The following NEO1 variants were observed in gnomAD, a reference collection of about 807,000 sequenced individuals.
NEO1 encodes neogenin.
In NEO1, 63 loss-of-function variants were observed where a neutral mutation model predicts 159.7. The ratio of observed to expected loss-of-function variants is 0.39; its 90% CI spans 0.32 to 0.49. The LOEUF (loss-of-function observed/expected upper bound fraction) is 0.49. Ranked by LOEUF, NEO1 falls within the 20% of genes least tolerant of loss-of-function variation. The pLI is 0.85. For synonymous variants in NEO1, 633 were observed against 662.0 expected, an observed-to-expected ratio of 0.96 and a Z score of 0.67; for missense variants, 1,615 against 1,831.0, an observed-to-expected ratio of 0.88 and a Z score of 2.15.
chr15:73,285,864 C>T (rs1273301355), intron 23 of NEO1, among the ~76,000 whole-genome samples: 1 of 152,114 alleles, frequency 6.6e-6, no homozygotes, highest in Non-Finnish European at 1.5e-5. Flanking sequence ...TTTCCTCCTC[C>T]CTCCTAAGTG....
At chr15:73,182,812 G>A (rs1307547783) in intron 7 of NEO1, among the ~76,000 whole-genome samples, 4 of 151,764 alleles carry the variant, frequency 2.6e-5, no homozygotes, top group Admixed American at 2.0e-4. Flanking sequence ...TCAAGGTGAG[G>A]TTTGGGTGGG....
intron 7 of NEO1, among the ~76,000 whole-genome samples, chr15:73,208,250 G>C (rs191157379): frequency 6.6e-6 from 1 of 152,158 alleles, no homozygotes; most frequent in African/African-American, 2.4e-5. Flanking sequence ...TAAATAGTAC[G>C]TAGCAAAGAA....
At chr15:73,298,722 C>A in intron 27 of NEO1, 111 bp downstream of exon 27, 3 of 1,412,330 alleles carry the variant, frequency 2.1e-6, no homozygotes, top group Non-Finnish European at 2.9e-6. Context: ...AAATATCCTC[C>A]AAGCCTATCT....
At chr15:73,136,314 A>G (rs2031755053) in intron 5 of NEO1, among the ~76,000 whole-genome samples, 1 of 152,162 alleles carries the variant, frequency 6.6e-6, no homozygotes, top group Non-Finnish European at 1.5e-5. Flanking sequence ...TAATACTTAT[A>G]AAACCCCTGG....
At chr15:73,271,415 C>T (rs950473820) in intron 18 of NEO1, among the ~76,000 whole-genome samples, 1 of 152,128 alleles carries the variant, frequency 6.6e-6, no homozygotes, top group Admixed American at 6.5e-5. Flanking sequence ...ACTTAATTTG[C>T]TCATTTTCCT....
At chr15:73,138,616 C>T (rs1403461945) in intron 5 of NEO1, among the ~76,000 whole-genome samples, 1 of 152,064 alleles carries the variant, frequency 6.6e-6, no homozygotes, top group East Asian at 1.9e-4. Context: ...AATTAGCCGG[C>T]GTAGTGGCGG....
intron 16 of NEO1, among the ~76,000 whole-genome samples, chr15:73,268,188 G>GCTTTAGTATTACAAATACT (rs1425705206): frequency 1.3e-5 from 2 of 152,024 alleles, no homozygotes; most frequent in Non-Finnish European, 2.9e-5. Context: ...ATTTCTTTTA[G>GCTTTAGTATTACAAATACT]AAATAGCTTT....
intron 1 of NEO1, among the ~76,000 whole-genome samples, chr15:73,095,015 C>T (rs951546070): frequency 3.9e-5 from 6 of 152,016 alleles, no homozygotes; most frequent in Admixed American, 2.0e-4. Context: ...TTGAGACCAT[C>T]CTGGCCAACA....
chr15:73,285,886 T>C (rs536573730), intron 23 of NEO1, among the ~76,000 whole-genome samples: 1 of 152,256 alleles, frequency 6.6e-6, no homozygotes, highest in Admixed American at 6.5e-5. Flanking sequence ...ACTTCCCCTG[T>C]TTGAAGCCCG....
At chr15:73,287,274 G>T (rs1273364731) in intron 23 of NEO1, among the ~76,000 whole-genome samples, 1 of 152,170 alleles carries the variant, frequency 6.6e-6, no homozygotes, top group African/African-American at 2.4e-5. Context: ...TTAGGTCTTA[G>T]CTTAAATGTC....
intron 1 of NEO1, among the ~76,000 whole-genome samples, chr15:73,114,600 A>G (rs1042339571): frequency 6.6e-6 from 1 of 152,194 alleles, no homozygotes; most frequent in East Asian, 1.9e-4. Flanking sequence ...ATGAAATAAA[A>G]AGCAAGACAG....
chr15:73,081,952 C>T (rs747384133), intron 1 of NEO1, among the ~76,000 whole-genome samples: 4 of 151,534 alleles, frequency 2.6e-5, no homozygotes, highest in African/African-American at 9.7e-5. Context: ...CTGCAACCTC[C>T]GCACTCCCTG....
intron 1 of NEO1, among the ~76,000 whole-genome samples, chr15:73,099,264 C>CTT (rs2151495417): frequency 6.6e-6 from 1 of 152,264 alleles, no homozygotes; most frequent in East Asian, 1.9e-4. Context: ...TGTTATCAAA[C>CTT]TTTTAAGAGC....
chr15:73,155,449 C>G (rs531019086), intron 5 of NEO1, among the ~76,000 whole-genome samples: 177 of 152,122 alleles, frequency 1.2e-3, no homozygotes, highest in South Asian at 2.1e-3. Context: ...ATTCCAAGTC[C>G]TTTTTGGAAT....
chr15:73,211,560 C>T (rs1029641510), intron 7 of NEO1, among the ~76,000 whole-genome samples: 1 of 152,104 alleles, frequency 6.6e-6, no homozygotes, highest in African/African-American at 2.4e-5. Flanking sequence ...ACTAAAAATA[C>T]AAAAATTAGC....
chr15:73,111,513 C>T (rs1284525216), intron 1 of NEO1, among the ~76,000 whole-genome samples: 1 of 152,032 alleles, frequency 6.6e-6, no homozygotes, highest in Non-Finnish European at 1.5e-5. Flanking sequence ...CTTATTTTGG[C>T]GACCATTTAA....
intron 1 of NEO1, among the ~76,000 whole-genome samples, chr15:73,085,961 A>G (rs1411641584): frequency 6.6e-6 from 1 of 152,074 alleles, no homozygotes; most frequent in African/African-American, 2.4e-5. Context: ...TCGACTTGCC[A>G]GTTTTTTTCT....
At position 73,298,467 on chromosome 15, in the gene NEO1, G is replaced by C. The variant is rs758468197; in HGVS notation, c.4021G>C (p.Glu1341Gln). The C allele has an allele frequency of 7.4e-6, 12 of 1,614,080 alleles. No individual in the cohort carries two copies. Among genetic ancestry groups the C allele is most frequent in the Non-Finnish European group, 1.0e-5 (12 of 1,180,054 alleles). The change falls in exon 27 of 29, where the codon GAG becomes CAG. Residue 1341 changes from glutamate (E) to glutamine (Q), a missense_variant. This residue lies in a region of NEO1 where 471 missense variants were observed against 498.9 expected (regional missense o/e 0.94). Transcript: ENST00000261908. ...TSSSYLASSQ[E>Q]EDSGQSLPTA... ...CTCCTCTTACTTGGCCAGCTCCCAA[G>C]AGGAAGATTCAGGCCAGAGTCTTCC...
At chr15:73,231,279 A>G (rs577004329) in intron 7 of NEO1, among the ~76,000 whole-genome samples, 6 of 152,198 alleles carry the variant, frequency 3.9e-5, no homozygotes, top group Non-Finnish European at 8.8e-5. Flanking sequence ...CACATGGAAC[A>G]ACCTCCAGGA....
Sources: gnomAD v4.1 joint callset for allele counts (sites outside exome capture counted in the v4.1 genomes callset) on GRCh38, gnomAD v4.1.1 for gene constraint, gnomAD v4.1.1 regional missense constraint, MANE v1.5 for transcripts, NCBI Gene and HGNC (gene_info 2026-07-23, HGNC 2026-07-21) for gene names.